CDH13: variants seen among roughly 807,000 people sequenced by gnomAD.
CDH13 encodes the protein cadherin 13, also known as cadherin-13.
In CDH13, 24 loss-of-function variants were observed where a neutral mutation model predicts 63.8. The ratio of observed to expected loss-of-function variants is 0.38; its 90% CI spans 0.27 to 0.53. The LOEUF (loss-of-function observed/expected upper bound fraction) is 0.53. CDH13 is among the 20% of genes least tolerant of loss of function. The pLI, the probability that CDH13 is intolerant of heterozygous loss-of-function variation, is 0.85. For synonymous variants in CDH13, 503 were observed against 355.3 expected (o/e 1.42, Z -4.67); for missense variants, 1,049 against 903.1 (o/e 1.16, Z -2.07).
At chr16:83,407,875 C>G (rs1183636826) in intron 6 of CDH13, among the ~76,000 whole-genome samples, 1 of 152,156 alleles carries the variant, frequency 6.6e-6, no homozygotes, top group Admixed American at 6.5e-5. Context: ...AAATGTATAA[C>G]TGAGTATGCA....
intron 1 of CDH13, among the ~76,000 whole-genome samples, chr16:82,848,289 T>C (rs2039347098): frequency 6.6e-6 from 1 of 152,162 alleles, no homozygotes; most frequent in Admixed American, 6.5e-5. Flanking sequence ...GAGAATTACA[T>C]TGTTGGAGCA....
chr16:83,371,684 C>T (rs2091369527), intron 6 of CDH13, among the ~76,000 whole-genome samples: 2 of 152,174 alleles, frequency 1.3e-5, no homozygotes, highest in African/African-American at 4.8e-5. Flanking sequence ...AATAGTGGTA[C>T]TGTCAATACT....
intron 1 of CDH13, among the ~76,000 whole-genome samples, chr16:82,692,567 C>T (rs775724881): frequency 1.3e-5 from 2 of 152,238 alleles, no homozygotes; most frequent in African/African-American, 2.4e-5. Flanking sequence ...TCTCTTGTTC[C>T]TTCCATGACA....
intron 2 of CDH13, among the ~76,000 whole-genome samples, chr16:82,917,091 G>A (rs943942885): frequency 6.6e-6 from 1 of 152,162 alleles, no homozygotes; most frequent in African/African-American, 2.4e-5. Flanking sequence ...GAAAAGTTAT[G>A]GGGAGTGGGT....
rs2091751185 is a variant in CDH13 at position 83,389,849 on chromosome 16, C to T, written c.781+44843C>T. On this transcript the variant is annotated intron_variant, in intron 6 of 13. Transcript: ENST00000567109. ...ATTCAGCAGCAGCAGAAGAGTTGGC[C>T]CTTAAATCTACGAAGAACATTGCCC... Among the ~76,000 whole-genome samples the T allele has an allele frequency of 2.0e-5, 3 of 152,268 alleles. 1 individual carries two copies. The highest frequency in any genetic ancestry group is 3.4e-3 in the Middle Eastern group (1 of 294).
At chr16:82,904,581 G>T (rs567157293) in intron 2 of CDH13, among the ~76,000 whole-genome samples, 38 of 152,280 alleles carry the variant, frequency 2.5e-4, no homozygotes, top group African/African-American at 8.2e-4. Context: ...CAAAATGCAG[G>T]GGTTGCGGAG....
intron 5 of CDH13, among the ~76,000 whole-genome samples, chr16:83,232,253 G>A (rs369082530): frequency 1.3e-4 from 18 of 136,904 alleles, no homozygotes; most frequent in Non-Finnish European, 2.4e-4. Context: ...GGCTGGGCAC[G>A]GTGGCTCATG....
chr16:83,571,626 C>T (rs147841762), intron 7 of CDH13, among the ~76,000 whole-genome samples: 21 of 152,206 alleles, frequency 1.4e-4, no homozygotes, highest in African/African-American at 2.2e-4. Context: ...CTTAATGTAA[C>T]GCTGGCATGT....
intron 2 of CDH13, among the ~76,000 whole-genome samples, chr16:82,927,914 C>T (rs1411416866): frequency 6.6e-6 from 1 of 152,128 alleles, no homozygotes; most frequent in African/African-American, 2.4e-5. Context: ...TCTTAAATAG[C>T]AGTCATTGTA....
At chr16:82,776,610 G>A (rs1033315083) in intron 1 of CDH13, among the ~76,000 whole-genome samples, 1 of 152,136 alleles carries the variant, frequency 6.6e-6, no homozygotes, top group South Asian at 2.1e-4. Flanking sequence ...AGGAAGTGCT[G>A]GTTTTAACTG....
chr16:83,082,202 C>G (rs1255490764), intron 3 of CDH13, among the ~76,000 whole-genome samples: 1 of 152,222 alleles, frequency 6.6e-6, no homozygotes, highest in Non-Finnish European at 1.5e-5. Context: ...CAGCTCGTAA[C>G]ATTCCACTCT....
intron 6 of CDH13, among the ~76,000 whole-genome samples, chr16:83,413,619 A>C (rs16960419): frequency 0.086 from 13,015 of 152,208 alleles, 698 homozygotes; most frequent in African/African-American, 0.15. Flanking sequence ...TGTCCTAATC[A>C]TGCAGCCCAT....
intron 7 of CDH13, among the ~76,000 whole-genome samples, chr16:83,564,938 TG>T (rs1291991413): frequency 1.3e-5 from 2 of 152,092 alleles, no homozygotes; most frequent in African/African-American, 4.8e-5. Context: ...GTTGTTGTTT[TG>T]TTTGTTTGTT....
chr16:83,323,088 C>T (rs180778089), intron 5 of CDH13, among the ~76,000 whole-genome samples: 73 of 152,064 alleles, frequency 4.8e-4, no homozygotes, highest in Admixed American at 1.3e-3. Context: ...GGTTAGCCCA[C>T]GGTCCCAGAA....
chr16:83,081,436 G>C (rs944747339), intron 3 of CDH13, among the ~76,000 whole-genome samples: 2 of 147,428 alleles, frequency 1.4e-5, no homozygotes, highest in African/African-American at 5.4e-5. Flanking sequence ...CATATTACCA[G>C]CGTTTAGAGA....
At chr16:83,787,803 C>T (rs1915985748) in intron 13 of CDH13, among the ~76,000 whole-genome samples, 2 of 152,252 alleles carry the variant, frequency 1.3e-5, no homozygotes, top group East Asian at 1.9e-4. Flanking sequence ...ATTAGCCAGG[C>T]GTGGTGGCAA....
At chr16:83,347,197 C>T (rs1317226201) in intron 6 of CDH13, among the ~76,000 whole-genome samples, 1 of 152,186 alleles carries the variant, frequency 6.6e-6, no homozygotes. Flanking sequence ...ACCTCTTCTT[C>T]AACTTAAATC....
intron 6 of CDH13, among the ~76,000 whole-genome samples, chr16:83,441,135 A>G (rs1338973134): frequency 2.6e-5 from 4 of 152,270 alleles, no homozygotes; most frequent in Non-Finnish European, 5.9e-5. Context: ...GAAAATAATT[A>G]AATTATGGCA....
At chr16:83,206,147 A>C (rs1338764936) in intron 4 of CDH13, among the ~76,000 whole-genome samples, 2 of 152,098 alleles carry the variant, frequency 1.3e-5, no homozygotes, top group African/African-American at 4.8e-5. Context: ...CCAGGGGAGG[A>C]GGACTTTCGG....
Sources: allele counts gnomAD v4.1 joint callset (sites outside exome capture counted in the v4.1 genomes callset), GRCh38; gene constraint gnomAD v4.1.1; transcripts MANE v1.5; gene names NCBI Gene and HGNC (gene_info 2026-07-23, HGNC 2026-07-21).